INPP4A: variants seen among roughly 807,000 people sequenced by gnomAD.
INPP4A encodes inositol polyphosphate-4-phosphatase type I A, also known as inositol polyphosphate-4-phosphatase, type I, 107kD.
A neutral mutation model predicts 119.8 loss-of-function variants in INPP4A; 33 were observed. The observed-to-expected ratio is 0.28, with a 90% CI of 0.21 to 0.37. The LOEUF is 0.37. Among genes scored for constraint, INPP4A ranks in the 10% least tolerant of loss-of-function variants. The pLI is 1.00. For synonymous variants in INPP4A, 496 were observed against 500.7 expected (o/e 0.99, Z 0.12); for missense variants, 956 against 1,289.9 (o/e 0.74, Z 3.97).
rs1053503552 is a variant in INPP4A, at chr2:98,554,851, T to G, written c.1566+362T>G. ...CAGTGCTCTGTTTGCTGTTAGATTT[T>G]CCAGGGCTATGTGTATTTGGGGACG... On this transcript the variant is annotated intron_variant, in intron 15 of 24. Transcript: ENST00000409851. The surrounding 1 kb of genome is among the most constrained non-coding windows in gnomAD (Gnocchi z 4.7). Among the ~76,000 whole-genome samples the G allele has an allele frequency of 6.6e-6, 1 of 152,174 alleles. No individual in the cohort carries two copies. The highest frequency in any genetic ancestry group is 2.4e-5 in the African/African-American group (1 of 41,450).
chr2:98,519,428 G>A (rs1686759802), intron 2 of INPP4A: 1 of 152,382 alleles, frequency 6.6e-6, no homozygotes, highest in African/African-American at 2.4e-5. Context: ...AGGAAAGCCT[G>A]AGACCCAGAC....
At chr2:98,467,097 C>G (rs983156664) in intron 1 of INPP4A, among the ~76,000 whole-genome samples, 4 of 152,110 alleles carry the variant, frequency 2.6e-5, no homozygotes, top group African/African-American at 9.7e-5. Flanking sequence ...CTGTCGTGTG[C>G]TGAGCTCACA....
chr2:98,523,407 T>G (rs1687601831), intron 4 of INPP4A, among the ~76,000 whole-genome samples: 1 of 151,832 alleles, frequency 6.6e-6, no homozygotes, highest in Admixed American at 6.6e-5. Flanking sequence ...TTTGTTTTTT[T>G]TTTTTGAGAC....
intron 4 of INPP4A, among the ~76,000 whole-genome samples, chr2:98,529,670 A>G (rs1367479392): frequency 6.6e-6 from 1 of 152,194 alleles, no homozygotes; most frequent in Non-Finnish European, 1.5e-5. Context: ...CGGGAGGCAG[A>G]GCTTGCAGTG....
chr2:98,453,701 T>C (rs530703511), intron 1 of INPP4A, among the ~76,000 whole-genome samples: 99 of 152,262 alleles, frequency 6.5e-4, no homozygotes, highest in African/African-American at 2.2e-3. Flanking sequence ...GAGGAGACTT[T>C]CAGTGGTGAG....
chr2:98,579,601 C>T (rs1055485061), intron 24 of INPP4A, among the ~76,000 whole-genome samples: 1 of 152,242 alleles, frequency 6.6e-6, no homozygotes, highest in Non-Finnish European at 1.5e-5. Context: ...CCATGCCGGG[C>T]GCTGTCTTTC....
rs1700072313 is a variant in INPP4A, at chr2:98,587,463, G to GT, written c.2787-7dup. On this transcript the variant is annotated splice_polypyrimidine_tract_variant and intron_variant, in intron 24 of 24. Transcript: ENST00000409851. Reference sequence around the variant, plus strand: ...TTTACTGCCGTCATTTCTTGTGCTTGTTTTTTCCCCAGTGAGGGTTGTCGA... The same window carrying GT: ...TTTACTGCCGTCATTTCTTGTGCTTGTTTTTTTCCCCAGTGAGGGTTGTCGA... 5 of 1,558,370 alleles carry GT rather than the reference G, an allele frequency of 3.2e-6. No homozygotes were observed. Among genetic ancestry groups the GT allele is most frequent in the Middle Eastern group, 1.7e-4 (1 of 5,902 alleles).
chr2:98,552,692 C>A, intron 13 of INPP4A, 94 bp from the exon 14 acceptor site: 3 of 1,003,336 alleles, frequency 3.0e-6, no homozygotes, highest in Non-Finnish European at 4.8e-6. Flanking sequence ...CAGAACACTT[C>A]ATCTTAGGGT....
chr2:98,578,946 T>C (rs1298555026), intron 24 of INPP4A, among the ~76,000 whole-genome samples: 3 of 152,208 alleles, frequency 2.0e-5, no homozygotes, highest in Non-Finnish European at 4.4e-5. Flanking sequence ...GTCCCTGAAT[T>C]ACACAGAACA....
At chr2:98,469,086 C>T (rs1178664614) in intron 1 of INPP4A, among the ~76,000 whole-genome samples, 1 of 152,200 alleles carries the variant, frequency 6.6e-6, no homozygotes, top group African/African-American at 2.4e-5. Context: ...CTGCCCTCCA[C>T]CCATGCTGTG....
chr2:98,583,123 C>T (rs1285640032), intron 24 of INPP4A, among the ~76,000 whole-genome samples: 2 of 152,198 alleles, frequency 1.3e-5, no homozygotes, highest in African/African-American at 2.4e-5. Context: ...TTACTCTTCA[C>T]TATGTAAGGA....
chr2:98,454,347 A>G (rs1574470276), intron 1 of INPP4A, among the ~76,000 whole-genome samples: 1 of 152,146 alleles, frequency 6.6e-6, no homozygotes, highest in South Asian at 2.1e-4. Context: ...TCTGGTTTGT[A>G]TCACAAAGCT....
chr2:98,447,963 C>T (rs537813105), intron 1 of INPP4A, among the ~76,000 whole-genome samples: 98 of 147,588 alleles, frequency 6.6e-4, no homozygotes, highest in African/African-American at 5.8e-4. Flanking sequence ...AGGAGAATGG[C>T]GTGAACCTGG....
chr2:98,527,511 T>C (rs1688402502), intron 4 of INPP4A, among the ~76,000 whole-genome samples: 1 of 152,224 alleles, frequency 6.6e-6, no homozygotes, highest in African/African-American at 2.4e-5. Context: ...TGAAAAGCTC[T>C]TTCATATTCC....
intron 22 of INPP4A, chr2:98,572,045 C>T (rs1697558835): frequency 6.6e-6 from 1 of 152,618 alleles, no homozygotes; most frequent in Non-Finnish European, 1.5e-5. Flanking sequence ...CAGTTAGATC[C>T]CAAGTGCTGC....
Position 98,555,583 on chromosome 2 carries a change from C to G in INPP4A, c.1597C>G (p.Leu533Val). The G allele has an allele frequency of 6.2e-7, 1 of 1,612,610 alleles. No homozygotes were observed. Among genetic ancestry groups the G allele is most frequent in the Non-Finnish European group, 8.5e-7 (1 of 1,178,836 alleles). ...AGTGTGGCTGAACGTGGACAAGAGC[C>G]TAGAGTGCATCATTCAGCGTGTGGA... is the stretch of plus-strand genomic sequence containing the variant. ...EKVWLNVDKS[L>V]ECIIQRVDKL... The change falls in exon 16 of 25, where the codon CTA (leucine) becomes GTA (valine). Residue 533 changes from leucine (L) to valine (V), a missense_variant. By Grantham distance (32) the Leu-to-Val change is conservative. This residue lies in a region of INPP4A where 652 missense variants were observed against 797.9 expected (regional missense o/e 0.82). Coordinates refer to ENST00000409851, the MANE Select transcript of INPP4A (RefSeq NM_001134225.2).
intron 17 of INPP4A, among the ~76,000 whole-genome samples, chr2:98,560,823 C>T (rs2106300335): frequency 6.6e-6 from 1 of 152,320 alleles, no homozygotes; most frequent in Middle Eastern, 3.4e-3. Flanking sequence ...CCCACAGAAG[C>T]TCAGGGGGTC....
intron 17 of INPP4A, among the ~76,000 whole-genome samples, chr2:98,561,351 G>A (rs376993943): frequency 2.0e-5 from 3 of 152,288 alleles, no homozygotes; most frequent in African/African-American, 7.2e-5. Flanking sequence ...ACCCTTCACC[G>A]ATTCCAGTGA....
intron 1 of INPP4A, among the ~76,000 whole-genome samples, chr2:98,451,423 G>A (rs1695206637): frequency 1.3e-5 from 2 of 152,152 alleles, no homozygotes; most frequent in African/African-American, 4.8e-5. Context: ...GTCCTCTGAT[G>A]TCCAGGAAGA....
Sources: gnomAD v4.1 joint callset for allele counts (sites outside exome capture counted in the v4.1 genomes callset) on GRCh38, gnomAD v4.1.1 for gene constraint, gnomAD v4.1.1 regional missense constraint, Gnocchi (gnomAD v3.1) non-coding constraint, MANE v1.5 for transcripts, NCBI Gene and HGNC (gene_info 2026-07-23, HGNC 2026-07-21) for gene names.